Variants in GABRG3 observed in about 807,000 individuals in gnomAD.
The protein encoded by GABRG3 is gamma-aminobutyric acid receptor subunit gamma-3.
A neutral mutation model predicts 48.8 loss-of-function variants in GABRG3; 25 were observed. The observed-to-expected ratio is 0.51, with a 90% confidence interval of 0.37 to 0.72. GABRG3 has a LOEUF of 0.72. Ranked by LOEUF, GABRG3 falls within the 30% of genes least tolerant of loss-of-function variation. The probability of loss-of-function intolerance (pLI) is 0.00; values close to 1 mark genes in which losing one functional copy is unlikely to be tolerated. For missense variants in GABRG3, 394 were observed against 577.9 expected (o/e 0.68, Z 3.26); for synonymous variants, 227 against 217.6 (o/e 1.04, Z -0.38).
At chr15:27,042,180 C>T (rs973119152) in intron 3 of GABRG3, among the ~76,000 whole-genome samples, 2 of 152,212 alleles carry the variant, frequency 1.3e-5, no homozygotes, top group African/African-American at 4.8e-5. Context: ...TCTGCCTCCC[C>T]TCTCAGCAGC....
At chr15:27,492,549 C>T (rs1371089021) in intron 6 of GABRG3, among the ~76,000 whole-genome samples, 3 of 152,150 alleles carry the variant, frequency 2.0e-5, no homozygotes, top group Non-Finnish European at 4.4e-5. Flanking sequence ...CACAGGGCTT[C>T]TTTTTCTTTC....
intron 3 of GABRG3, among the ~76,000 whole-genome samples, chr15:27,249,078 C>A (rs1489335740): frequency 6.6e-6 from 1 of 152,136 alleles, no homozygotes; most frequent in East Asian, 1.9e-4. Flanking sequence ...ACAATGCATA[C>A]AAAGGAATAT....
chr15:27,119,907 G>C (rs1445188943), intron 3 of GABRG3, among the ~76,000 whole-genome samples: 1 of 152,220 alleles, frequency 6.6e-6, no homozygotes, highest in Non-Finnish European at 1.5e-5. Context: ...TAGCAAGGCA[G>C]AGTCCTGTGC....
chr15:27,211,849 A>G (rs1381429704), intron 3 of GABRG3, among the ~76,000 whole-genome samples: 1 of 152,194 alleles, frequency 6.6e-6, no homozygotes, highest in Non-Finnish European at 1.5e-5. Flanking sequence ...TACATTGAGT[A>G]TATTCTCCTA....
intron 3 of GABRG3, among the ~76,000 whole-genome samples, chr15:27,250,837 G>T (rs1444793171): frequency 2.0e-5 from 3 of 152,176 alleles, no homozygotes. Flanking sequence ...GGCCACCAGG[G>T]TGGCAAGGAG....
intron 3 of GABRG3, among the ~76,000 whole-genome samples, chr15:27,284,380 C>T (rs1370301312): frequency 1.3e-5 from 2 of 152,110 alleles, no homozygotes; most frequent in Non-Finnish European, 2.9e-5. Flanking sequence ...TGCCAAGTGA[C>T]CCTTGATATC....
chr15:27,485,060 C>T (rs527477254), intron 6 of GABRG3, among the ~76,000 whole-genome samples: 27 of 152,238 alleles, frequency 1.8e-4, no homozygotes, highest in African/African-American at 5.8e-4. Context: ...TTCCAAAGAG[C>T]GCAGGAGGAG....
intron 2 of GABRG3, among the ~76,000 whole-genome samples, chr15:27,022,555 T>C (rs1895915023): frequency 6.6e-6 from 1 of 152,224 alleles, no homozygotes; most frequent in Non-Finnish European, 1.5e-5. Context: ...CCCAAAGGAA[T>C]TGATGTCGGG....
At chr15:27,067,415 G>C (rs781723478) in intron 3 of GABRG3, among the ~76,000 whole-genome samples, 5 of 152,194 alleles carry the variant, frequency 3.3e-5, no homozygotes, top group Non-Finnish European at 7.3e-5. Flanking sequence ...TTCCTGCTAA[G>C]GGCTCGCCTC....
Position 27,389,212 on chromosome 15 carries a change from G to A in GABRG3, c.574+60324G>A, listed in dbSNP as rs543953092. On this transcript the variant is annotated intron_variant, in intron 5 of 9. Transcript: ENST00000615808. The stretch of plus-strand genomic sequence containing the variant: ...TCCATTTCATTAAAATAGAAAATAC[G>A]AATGAAAGCAACAGAAGCTACAGAG... Among the ~76,000 whole-genome samples, 4 of 152,206 alleles carry A rather than the reference G, an allele frequency of 2.6e-5. No individual in the cohort carries two copies. The South Asian group carries it at 6.2e-4, about 24-fold the overall frequency.
At chr15:27,327,878 C>T (rs28406708) in intron 4 of GABRG3, among the ~76,000 whole-genome samples, 6,393 of 152,162 alleles carry the variant, frequency 0.042, 212 homozygotes, top group South Asian at 0.11. Context: ...TGACCCCTGT[C>T]ACTTTACTCT....
At chr15:27,121,040 C>T (rs1354626488) in intron 3 of GABRG3, among the ~76,000 whole-genome samples, 2 of 152,146 alleles carry the variant, frequency 1.3e-5, no homozygotes, top group African/African-American at 4.8e-5. Context: ...GGAAGGAATG[C>T]CATTCAATTT....
chr15:27,418,455 G>A (rs565661049), intron 5 of GABRG3, among the ~76,000 whole-genome samples: 3 of 152,160 alleles, frequency 2.0e-5, no homozygotes, highest in African/African-American at 7.2e-5. Context: ...GGAGTTACCC[G>A]AAAGCAGCAA....
chr15:27,331,051 T>C (rs904318354), intron 5 of GABRG3, among the ~76,000 whole-genome samples: 1 of 152,184 alleles, frequency 6.6e-6, no homozygotes, highest in Non-Finnish European at 1.5e-5. Flanking sequence ...TACACAGTTA[T>C]ATACCTATTG....
intron 3 of GABRG3, among the ~76,000 whole-genome samples, chr15:27,059,734 G>T (rs1309234177): frequency 6.6e-6 from 1 of 152,198 alleles, no homozygotes; most frequent in Non-Finnish European, 1.5e-5. Flanking sequence ...CATGGGCATA[G>T]GTCTGGGTCC....
chr15:27,501,015 G>C (rs1006940001), intron 6 of GABRG3, among the ~76,000 whole-genome samples: 4 of 148,480 alleles, frequency 2.7e-5, no homozygotes, highest in African/African-American at 5.0e-5. Context: ...GCAGTGGCGC[G>C]ATCTCGGCTC....
chr15:27,211,116 G>A (rs187809999), intron 3 of GABRG3, among the ~76,000 whole-genome samples: 9 of 152,274 alleles, frequency 5.9e-5, no homozygotes, highest in East Asian at 3.9e-4. Flanking sequence ...AGGAAACACC[G>A]CTGCTTGGCA....
chr15:27,294,246 A>G (rs1018349259), intron 3 of GABRG3, among the ~76,000 whole-genome samples: 3 of 134,992 alleles, frequency 2.2e-5, no homozygotes, highest in African/African-American at 8.9e-5. Flanking sequence ...TTTTTTTGAG[A>G]CAAGCTCTCA....
chr15:27,268,712 G>A (rs186958525), intron 3 of GABRG3, among the ~76,000 whole-genome samples: 6 of 151,398 alleles, frequency 4.0e-5, no homozygotes, highest in Non-Finnish European at 8.8e-5. Context: ...TTGCTATGTT[G>A]TATTTTTCAA....
Sources: allele counts gnomAD v4.1 joint callset (sites outside exome capture counted in the v4.1 genomes callset), GRCh38; gene constraint gnomAD v4.1.1; transcripts MANE v1.5; gene names NCBI Gene and HGNC (gene_info 2026-07-23, HGNC 2026-07-21).